The following EPHA5 variants were observed in gnomAD, a reference collection of about 807,000 sequenced individuals.
EPHA5 encodes the protein ephrin type-A receptor 5.
EPHA5 carries 60 observed loss-of-function variants against 105.0 expected under a neutral mutation model. The observed-to-expected ratio is 0.57, with a 90% CI of 0.46 to 0.71. The LOEUF is 0.71. Among genes scored for constraint, EPHA5 ranks in the 30% least tolerant of loss-of-function variants. The pLI is 0.00. For missense variants in EPHA5, 1,218 were observed against 1,274.7 expected (o/e 0.96, Z 0.68); for synonymous variants, 513 against 449.1 (o/e 1.14, Z -1.80).
At chr4:65,343,105 A>G (rs1037361185) in intron 14 of EPHA5, among the ~76,000 whole-genome samples, 27 of 152,166 alleles carry the variant, frequency 1.8e-4, no homozygotes, top group African/African-American at 6.3e-4. Context: ...CTCTGCAATA[A>G]ATATAAGAGA....
At chr4:65,331,275 G>A in intron 16 of EPHA5, 1 of 1,029,350 alleles carries the variant, frequency 9.7e-7, no homozygotes, top group Non-Finnish European at 1.2e-6. Context: ...ACAACCACAT[G>A]TACAGAGTAT....
Position 65,322,983 on chromosome 4 carries a change from A to G in EPHA5, c.*1131T>C, listed in dbSNP as rs952753406. The G allele has an allele frequency of 4.4e-6, 1 of 229,088 alleles. No individual in the cohort carries two copies. The highest frequency in any genetic ancestry group is 8.7e-6 in the Non-Finnish European group (1 of 115,442). 14.2% of individuals were successfully genotyped at this position (229,088 alleles called of 1,614,324 possible). A position where few individuals can be genotyped will look rare whatever the true frequency, so the allele number is the denominator to read the frequency against. On this transcript the variant is annotated 3_prime_UTR_variant, in exon 17 of 17. Coordinates refer to ENST00000613740, the MANE Select transcript of EPHA5 (RefSeq NM_001281766.3). ...TATGTGCCTGGATTTAACAACATTA[A>G]CAGAAGCCTGCACAGTTAAATCCTT...
chr4:65,409,275 G>A (rs1464564523), intron 7 of EPHA5, among the ~76,000 whole-genome samples: 1 of 128,774 alleles, frequency 7.8e-6, no homozygotes, highest in African/African-American at 2.9e-5. Flanking sequence ...CACCAGCATG[G>A]CACATGTATA....
At chr4:65,588,648 T>C (rs1025149458) in intron 3 of EPHA5, among the ~76,000 whole-genome samples, 1 of 152,180 alleles carries the variant, frequency 6.6e-6, no homozygotes, top group African/African-American at 2.4e-5. Flanking sequence ...TTATGGTCTC[T>C]CTATTCCTAT....
chr4:65,616,428 T>TACAC (rs34942929), intron 2 of EPHA5, among the ~76,000 whole-genome samples: 3,030 of 143,576 alleles, frequency 0.021, 39 homozygotes, highest in Middle Eastern at 0.049. Flanking sequence ...ACTTAATGCA[T>TACAC]ACACACACAC....
At chr4:65,339,089 G>A (rs6835232) in intron 14 of EPHA5, among the ~76,000 whole-genome samples, 86,129 of 151,888 alleles carry the variant, frequency 0.57, 24,943 homozygotes, top group East Asian at 0.77. Flanking sequence ...TCTTGGCATT[G>A]GCATGTAAAC....
At chr4:65,333,994 G>A (rs936678494) in intron 15 of EPHA5, among the ~76,000 whole-genome samples, 1 of 151,438 alleles carries the variant, frequency 6.6e-6, no homozygotes, top group Admixed American at 6.6e-5. Flanking sequence ...TTGTACAGCC[G>A]ACCACTTCTC....
intron 2 of EPHA5, among the ~76,000 whole-genome samples, chr4:65,639,715 ATATCTGTGTTCTTTCCACCGATCTCTAAG>A (rs1462525835): frequency 1.3e-4 from 20 of 152,000 alleles, no homozygotes; most frequent in Admixed American, 2.0e-4. Context: ...GACTCCCATT[ATATCTGTGTTCTTTCCACCGATCTCTAAG>A]TTTCTGTTTA....
chr4:65,591,237 C>G (rs185185184), intron 3 of EPHA5, among the ~76,000 whole-genome samples: 1 of 151,996 alleles, frequency 6.6e-6, no homozygotes, highest in African/African-American at 2.4e-5. Flanking sequence ...ATGAAATAGA[C>G]CAATATTTAC....
chr4:65,586,194 CAT>C (rs570601852), intron 3 of EPHA5, among the ~76,000 whole-genome samples: 6 of 151,462 alleles, frequency 4.0e-5, no homozygotes, highest in Non-Finnish European at 5.9e-5. Flanking sequence ...CATTTGATTG[CAT>C]ATATGTTATT....
intron 14 of EPHA5, among the ~76,000 whole-genome samples, chr4:65,341,652 C>T (rs1034410590): frequency 6.6e-6 from 1 of 151,424 alleles, no homozygotes; most frequent in African/African-American, 2.4e-5. Context: ...TTACAATGAG[C>T]TATTTTGGAA....
chr4:65,571,268 AT>A (rs1740146041), intron 3 of EPHA5, among the ~76,000 whole-genome samples: 1 of 151,962 alleles, frequency 6.6e-6, no homozygotes, highest in Admixed American at 6.6e-5. Context: ...ATTAATTAAA[AT>A]GCACAATATG....
At chr4:65,555,396 C>T (rs1293273649) in intron 3 of EPHA5, among the ~76,000 whole-genome samples, 2 of 151,728 alleles carry the variant, frequency 1.3e-5, no homozygotes, top group African/African-American at 4.8e-5. Flanking sequence ...AAGAAAATGC[C>T]CACCTATCTG....
chr4:65,440,901 C>CTTACCA (rs1725952222), intron 5 of EPHA5, among the ~76,000 whole-genome samples: 1 of 152,052 alleles, frequency 6.6e-6, no homozygotes, highest in South Asian at 2.1e-4. Context: ...GCTTTGTGTG[C>CTTACCA]AACTTACCAA....
At chr4:65,380,541 A>C (rs1258764549) in intron 8 of EPHA5, among the ~76,000 whole-genome samples, 1 of 151,728 alleles carries the variant, frequency 6.6e-6, no homozygotes, top group Admixed American at 6.6e-5. Context: ...ATTATGACTT[A>C]AATTCTTAAA....
Position 65,669,656 on chromosome 4 carries a change from G to T in EPHA5, c.87C>A (p.Ala29=). ...CCCGTCGAGGTGCAGAGTAGCAGCC[G>T]GCCAGGGACGCTGGGGTGATGGGGG... is the stretch of plus-strand genomic sequence containing the variant. The part of the protein sequence containing the change: ...GDTPITPASL[A]GCYSAPRRAP... Residue 29 remains alanine (A), a synonymous_variant, in exon 1 of 17, where the codon GCC becomes GCA. Coordinates refer to ENST00000613740, the MANE Select transcript of EPHA5 (RefSeq NM_001281766.3). 2 of 1,377,992 alleles carry T rather than the reference G, an allele frequency of 1.5e-6. No individual in the cohort carries two copies. Among genetic ancestry groups the T allele is most frequent in the Non-Finnish European group, 9.4e-7 (1 of 1,060,488 alleles). The allele number at this position is 1,377,992 out of a possible 1,614,324, so 85.4% of individuals were successfully genotyped here.
At chr4:65,538,539 A>T (rs1736515099) in intron 3 of EPHA5, among the ~76,000 whole-genome samples, 1 of 151,784 alleles carries the variant, frequency 6.6e-6, no homozygotes, top group South Asian at 2.1e-4. Flanking sequence ...AAGCTAATAC[A>T]TTGGCTAGTT....
chr4:65,485,610 A>C (rs1730805459), intron 5 of EPHA5, among the ~76,000 whole-genome samples: 1 of 152,164 alleles, frequency 6.6e-6, no homozygotes, highest in Admixed American at 6.6e-5. Flanking sequence ...TACATTTATA[A>C]ATCATTTAAT....
intron 5 of EPHA5, among the ~76,000 whole-genome samples, chr4:65,431,143 T>C (rs954271573): frequency 2.6e-5 from 4 of 152,094 alleles, no homozygotes; most frequent in Non-Finnish European, 5.9e-5. Context: ...CTCACAACGA[T>C]TAACGGTACA....
Sources: allele counts gnomAD v4.1 joint callset (sites outside exome capture counted in the v4.1 genomes callset), GRCh38; gene constraint gnomAD v4.1.1; transcripts MANE v1.5; gene names NCBI Gene and HGNC (gene_info 2026-07-23, HGNC 2026-07-21).